SMARCC1: variants seen among roughly 807,000 people sequenced by gnomAD.
SMARCC1 encodes the protein SWI/SNF complex subunit SMARCC1.
Under a neutral mutation model 147.4 loss-of-function variants are expected in SMARCC1, and 43 were observed. The ratio of observed to expected loss-of-function variants is 0.29; its 90% CI spans 0.23 to 0.38. The LOEUF is 0.38. Ranked by LOEUF, SMARCC1 falls within the 10% of genes least tolerant of loss-of-function variation. SMARCC1 has a pLI of 1.00. For synonymous variants in SMARCC1, 495 were observed against 484.4 expected (o/e 1.02, Z -0.29); for missense variants, 1,119 against 1,381.1 (o/e 0.81, Z 3.01).
intron 7 of SMARCC1, among the ~76,000 whole-genome samples, chr3:47,718,608 A>G (rs2034191047): frequency 6.6e-6 from 1 of 152,152 alleles, no homozygotes; most frequent in South Asian, 2.1e-4. Flanking sequence ...AATAAGGTGC[A>G]GTGTATACTG....
intron 26 of SMARCC1, among the ~76,000 whole-genome samples, chr3:47,600,552 C>G (rs1396934024): frequency 6.6e-6 from 1 of 152,126 alleles, no homozygotes; most frequent in Non-Finnish European, 1.5e-5. Context: ...GGCGCAAAGT[C>G]ACAATGAACA....
At chr3:47,618,742 A>G (rs2032684616) in intron 25 of SMARCC1, among the ~76,000 whole-genome samples, 1 of 152,108 alleles carries the variant, frequency 6.6e-6, no homozygotes. Context: ...GGGGACAGAC[A>G]ACAGATCCAT....
intron 20 of SMARCC1, 99 bp from the exon 21 acceptor site, chr3:47,661,554 T>C (rs751308066): frequency 3.7e-5 from 34 of 916,330 alleles, no homozygotes; most frequent in Non-Finnish European, 5.1e-5. Context: ...TATTATTGTC[T>C]TAGGTGTAGC....
At chr3:47,761,627 TA>T in intron 2 of SMARCC1, among the ~76,000 whole-genome samples, 1 of 152,150 alleles carries the variant, frequency 6.6e-6, no homozygotes, top group Non-Finnish European at 1.5e-5. Context: ...TTCTTTCACG[TA>T]AGTCCATCCT....
intron 2 of SMARCC1, among the ~76,000 whole-genome samples, chr3:47,755,496 C>CA (rs113105252): frequency 0.034 from 2,235 of 66,088 alleles, 35 homozygotes; most frequent in African/African-American, 0.091. Context: ...GACTCTGTCT[C>CA]AAAAAAAAAA....
intron 2 of SMARCC1, among the ~76,000 whole-genome samples, chr3:47,753,807 G>GTAA (rs909807760): frequency 1.3e-5 from 2 of 150,796 alleles, no homozygotes; most frequent in Non-Finnish European, 3.0e-5. Context: ...CTAACACTAT[G>GTAA]TTTAGGTCTA....
At position 47,633,773 on chromosome 3, in the gene SMARCC1, TATATATACACACAC is replaced by T. The variant is rs1483088421; in HGVS notation, c.2646+1403_2646+1416del. 3.8e-4 allele frequency among the ~76,000 whole-genome samples: 5 copies of T among 13,220 alleles called. 1 individual carries two copies. Among genetic ancestry groups the T allele is most frequent in the African/African-American group, 5.0e-4 (5 of 9,946 alleles). The allele number at this position is 13,220 out of a possible 152,430, so 8.7% of individuals were successfully genotyped here. Reference sequence around the variant, plus strand: ...AAAAAAAAAAAAAAAAATATATATATATATATACACACACACACACACACACACACACACACACA... The same window carrying T: ...AAAAAAAAAAAAAAAAATATATATATACACACACACACACACACACACACA... On this transcript the variant is annotated intron_variant, in intron 24 of 27. Coordinates refer to ENST00000254480, the MANE Select transcript of SMARCC1 (RefSeq NM_003074.4).
At chr3:47,728,452 T>G (rs1207065297) in intron 6 of SMARCC1, among the ~76,000 whole-genome samples, 1 of 152,184 alleles carries the variant, frequency 6.6e-6, no homozygotes, top group Non-Finnish European at 1.5e-5. Flanking sequence ...TCTACATCAT[T>G]AATTTTTGCT....
intron 26 of SMARCC1, among the ~76,000 whole-genome samples, chr3:47,602,577 C>T (rs892022297): frequency 2.0e-5 from 3 of 152,146 alleles, no homozygotes; most frequent in African/African-American, 7.2e-5. Context: ...GGATTACAGG[C>T]GTAAGCCATC....
At chr3:47,724,835 G>A (rs2034279341) in intron 6 of SMARCC1, among the ~76,000 whole-genome samples, 1 of 151,990 alleles carries the variant, frequency 6.6e-6, no homozygotes, top group Non-Finnish European at 1.5e-5. Flanking sequence ...TGAGGCAGGA[G>A]GATCACTTGA....
intron 10 of SMARCC1, among the ~76,000 whole-genome samples, chr3:47,701,863 A>G (rs1009678448): frequency 1.3e-5 from 2 of 152,112 alleles, no homozygotes; most frequent in Admixed American, 1.3e-4. Context: ...AAAAAATTAG[A>G]TAACTTCCCC....
At chr3:47,615,674 CTTTCT>C (rs566256779) in intron 25 of SMARCC1, among the ~76,000 whole-genome samples, 39 of 152,166 alleles carry the variant, frequency 2.6e-4, no homozygotes, top group African/African-American at 5.3e-4. Flanking sequence ...TACACAATTT[CTTTCT>C]TTTCTTTTCT....
intron 25 of SMARCC1, chr3:47,610,586 G>C: frequency 2.0e-6 from 1 of 502,920 alleles, no homozygotes; most frequent in South Asian, 2.1e-5. Context: ...CCGCAGTAGG[G>C]CTACTGCTCT....
At chr3:47,774,433 G>A (rs950129584) in intron 1 of SMARCC1, among the ~76,000 whole-genome samples, 3 of 151,696 alleles carry the variant, frequency 2.0e-5, no homozygotes, top group African/African-American at 4.8e-5. Context: ...TTTTGTGTGT[G>A]TGTTTTTGGA....
chr3:47,632,708 T>C lies in SMARCC1; in HGVS notation c.2646+2482A>G, dbSNP rs75376837. 2.4e-4 allele frequency among the ~76,000 whole-genome samples: 36 copies of C among 152,228 alleles called. No homozygotes were observed. In the East Asian group the frequency reaches 6.6e-3, roughly 28 times the overall value. On this transcript the variant is annotated intron_variant, in intron 24 of 27. Coordinates refer to ENST00000254480, the MANE Select transcript of SMARCC1 (RefSeq NM_003074.4). The stretch of plus-strand genomic sequence containing the variant: ...AAAACCATGCTCTGTAAGAAAAGAA[T>C]GTCCGAAAAAGCTTAGATAGAGATA...
intron 21 of SMARCC1, among the ~76,000 whole-genome samples, chr3:47,658,017 A>C (rs997474639): frequency 1.3e-5 from 2 of 152,012 alleles, no homozygotes; most frequent in African/African-American, 4.8e-5. Flanking sequence ...AGCAGAAGGA[A>C]AAAATGACGA....
chr3:47,780,434 C>T (rs1002304851), intron 1 of SMARCC1, among the ~76,000 whole-genome samples: 1 of 151,914 alleles, frequency 6.6e-6, no homozygotes, highest in Non-Finnish European at 1.5e-5. Flanking sequence ...CCTTCCAAGC[C>T]GCGCCCGGCC....
intron 21 of SMARCC1, among the ~76,000 whole-genome samples, chr3:47,645,061 G>A (rs2033100573): frequency 6.6e-6 from 1 of 152,060 alleles, no homozygotes; most frequent in African/African-American, 2.4e-5. Context: ...GGGTGTGGTG[G>A]TTCACTAGAG....
chr3:47,700,945 A>C (rs1234261238), intron 11 of SMARCC1, among the ~76,000 whole-genome samples: 1 of 152,214 alleles, frequency 6.6e-6, no homozygotes, highest in African/African-American at 2.4e-5. Flanking sequence ...ATCCACATAA[A>C]GCATTCCCTA....
Sources: allele counts gnomAD v4.1 joint callset (sites outside exome capture counted in the v4.1 genomes callset), GRCh38; gene constraint gnomAD v4.1.1; transcripts MANE v1.5; gene names NCBI Gene and HGNC (gene_info 2026-07-23, HGNC 2026-07-21).